HPN: variants seen among roughly 807,000 people sequenced by gnomAD.
HPN encodes serine protease hepsin.
A neutral mutation model predicts 55.9 loss-of-function variants in HPN; 13 were observed. That is an observed-to-expected ratio of 0.23 (90% CI 0.15 to 0.37). The LOEUF is 0.37. HPN is among the 10% of genes least tolerant of loss of function. The probability of loss-of-function intolerance (pLI) is 1.00; values close to 1 mark genes in which losing one functional copy is unlikely to be tolerated. For synonymous variants in HPN, 225 were observed against 240.3 expected, an observed-to-expected ratio of 0.94 and a Z score of 0.59; for missense variants, 451 against 575.8, an observed-to-expected ratio of 0.78 and a Z score of 2.22.
chr19:35,060,748 G>A lies in HPN; in HGVS notation c.742G>A (p.Asp248Asn), dbSNP rs2064521618. The change falls in exon 9 of 13, where the codon GAC (aspartate) becomes AAC (asparagine). Residue 248 changes from aspartate to asparagine, a missense_variant. Around this residue, in one of 2 missense-constraint regions of HPN, gnomAD observed 378 missense variants for 445.5 expected, o/e 0.85. Transcript: ENST00000672452. ...CCACGGGGGCTATCTTCCCTTTCGG[G>A]ACCCCAACAGCGAGGAGAACAGCAA... The part of the protein sequence containing the change: ...VYHGGYLPFR[D>N]PNSEENSNDI... 1 of 1,613,768 alleles carries A rather than the reference G, an allele frequency of 6.2e-7. No homozygotes were observed. Among genetic ancestry groups the A allele is most frequent in the Non-Finnish European group, 8.5e-7 (1 of 1,179,856 alleles).
intron 9 of HPN, among the ~76,000 whole-genome samples, chr19:35,061,813 C>T (rs1479289518): frequency 6.6e-6 from 1 of 152,092 alleles, no homozygotes; most frequent in Non-Finnish European, 1.5e-5. Flanking sequence ...CGCCTGTAAT[C>T]CTGGCACTCT....
chr19:35,059,564 C>T (rs1257701971), intron 4 of HPN, 109 bp from the exon 5 acceptor site: 4 of 1,400,678 alleles, frequency 2.9e-6, no homozygotes, highest in Non-Finnish European at 3.9e-6. Flanking sequence ...CTGGGGTTCA[C>T]GTCTACACCA....
chr19:35,061,130 T>C (rs1312488542), intron 9 of HPN, among the ~76,000 whole-genome samples: 1 of 152,162 alleles, frequency 6.6e-6, no homozygotes, highest in South Asian at 2.1e-4. Context: ...TCAGTGTTCA[T>C]AGCAGCATTA....
chr19:35,041,677 TCCCC>T, upstream of HPN: 9 of 706,512 alleles, frequency 1.3e-5, no homozygotes, highest in Non-Finnish European at 1.6e-5. Context: ...GTCCGGCCCC[TCCCC>T]GCCCCTTCAC....
intron 4 of HPN, chr19:35,050,649 A>G: frequency 1.6e-6 from 1 of 620,064 alleles, no homozygotes; most frequent in Non-Finnish European, 2.4e-6. Context: ...GATGCAGGAC[A>G]GCAGGAAAAA....
At chr19:35,052,045 C>T (rs2064410910) in intron 4 of HPN, among the ~76,000 whole-genome samples, 2 of 152,214 alleles carry the variant, frequency 1.3e-5, no homozygotes, top group Non-Finnish European at 1.5e-5. Flanking sequence ...GCTCAAATGA[C>T]CTGCTCACAC....
At chr19:35,041,299 T>C (rs926023281), upstream of HPN, among the ~76,000 whole-genome samples, 3 of 151,346 alleles carry the variant, frequency 2.0e-5, no homozygotes, top group Admixed American at 6.6e-5. Flanking sequence ...GGGGCTGGGG[T>C]TGGGGCCCAG....
chr19:35,057,524 A>T (rs2064467952), intron 4 of HPN, among the ~76,000 whole-genome samples: 1 of 152,160 alleles, frequency 6.6e-6, no homozygotes, highest in African/African-American at 2.4e-5. Flanking sequence ...CATAAAACAT[A>T]GAAGGGTAAG....
intron 4 of HPN, among the ~76,000 whole-genome samples, chr19:35,053,493 G>A (rs1302114298): frequency 1.3e-5 from 2 of 151,698 alleles, no homozygotes; most frequent in African/African-American, 2.4e-5. Flanking sequence ...GCTCACGCCT[G>A]TAATCCCAGC....
At position 35,060,359 on chromosome 19, in the gene HPN, G is replaced by A; in HGVS notation, c.467G>A (p.Arg156Lys). 1 of 1,611,812 alleles carries A rather than the reference G, an allele frequency of 6.2e-7. No individual in the cohort carries two copies. The highest frequency in any genetic ancestry group is 8.5e-7 in the Non-Finnish European group (1 of 1,179,870). ...CCTTGTCCCACAGACTGTGGCCGCA[G>A]GAAGCTGCCCGTGGACCGCATCGTG... is the stretch of plus-strand genomic sequence containing the variant. ...LAAICQDCGR[R>K]KLPVDRIVGG... Residue 156 changes from arginine to lysine, a missense_variant, in exon 8 of 13, where the codon AGG (arginine) becomes AAG (lysine). Physicochemically the swap from Arg to Lys is conservative, Grantham distance 26. Around this residue, in one of 2 missense-constraint regions of HPN, gnomAD observed 378 missense variants for 445.5 expected, o/e 0.85. Transcript: ENST00000672452.
chr19:35,057,751 G>C (rs546155775), intron 4 of HPN, among the ~76,000 whole-genome samples: 37 of 152,194 alleles, frequency 2.4e-4, no homozygotes, highest in African/African-American at 8.4e-4. Context: ...ACACACAAAG[G>C]GTAGTGCATG....
chr19:35,064,555 G>A (rs1312820233), intron 9 of HPN, among the ~76,000 whole-genome samples: 7 of 151,984 alleles, frequency 4.6e-5, no homozygotes, highest in Non-Finnish European at 1.0e-4. Context: ...TTGAGCCCAG[G>A]AGGTCGAGGC....
chr19:35,059,750 C>T lies in HPN; in HGVS notation c.238C>T (p.Arg80Cys), dbSNP rs751977724. 1.9e-5 allele frequency: 31 copies of T among 1,591,034 alleles called. No homozygotes were observed. Among genetic ancestry groups the T allele is most frequent in the Non-Finnish European group, 2.7e-5 (31 of 1,169,696 alleles). The change falls in exon 5 of 13, where the codon CGC becomes TGC. Residue 80 changes from arginine to cysteine, a missense_variant. Physicochemically the swap from Arg to Cys is radical, Grantham distance 180 (BLOSUM62 -3). This residue lies in a region of HPN where 378 missense variants were observed against 445.5 expected (regional missense o/e 0.85). Coordinates refer to ENST00000672452, the MANE Select transcript of HPN (RefSeq NM_001384133.1). ...EGTWRLLCSS[R>C]SNARVAGLSC... ...GACGTGGCGGCTGCTGTGCTCCTCGCGCTCCAACGCCAGGGTAGCCGGACT... is the reference window on the plus strand; with the variant it reads ...GACGTGGCGGCTGCTGTGCTCCTCGTGCTCCAACGCCAGGGTAGCCGGACT...
intron 9 of HPN, among the ~76,000 whole-genome samples, chr19:35,064,394 G>A (rs140391326): frequency 5.4e-4 from 82 of 151,804 alleles, no homozygotes; most frequent in African/African-American, 1.9e-3. Flanking sequence ...TGTCACCCAG[G>A]CTGGAGTGCA....
intron 4 of HPN, chr19:35,059,426 G>T (rs988648641): frequency 4.7e-6 from 3 of 634,740 alleles, no homozygotes; most frequent in Non-Finnish European, 8.7e-6. Flanking sequence ...AGGCTACAGT[G>T]AGCCAAGATC....
intron 2 of HPN, among the ~76,000 whole-genome samples, chr19:35,043,757 T>C (rs1480355622): frequency 6.6e-6 from 1 of 152,218 alleles, no homozygotes; most frequent in African/African-American, 2.4e-5. Context: ...GATGACAGAA[T>C]CCAGCTCCTT....
intron 4 of HPN, among the ~76,000 whole-genome samples, chr19:35,055,554 GTCACCCATGAATCAGA>G (rs2064446812): frequency 6.6e-6 from 1 of 152,064 alleles, no homozygotes; most frequent in African/African-American, 2.4e-5. Flanking sequence ...AGTTCCTCCA[GTCACCCATGAATCAGA>G]TCTTGCAGGA....
chr19:35,060,404 T>G lies in HPN; in HGVS notation c.512T>G (p.Leu171Trp). Reference sequence around the variant, plus strand: ...ATCGTGGGAGGCCGGGACACCAGCTTGGGCCGGTGGCCGTGGCAAGTCAGC... The same window carrying G: ...ATCGTGGGAGGCCGGGACACCAGCTGGGGCCGGTGGCCGTGGCAAGTCAGC... ...DRIVGGRDTS[L>W]GRWPWQVSLR... is the part of the protein sequence containing the mutation. The change falls in exon 8 of 13, where the codon TTG (leucine) becomes TGG (tryptophan). Residue 171 changes from leucine (L) to tryptophan (W), a missense_variant. Around this residue, in one of 2 missense-constraint regions of HPN, gnomAD observed 378 missense variants for 445.5 expected, o/e 0.85. Transcript: ENST00000672452. The G allele has an allele frequency of 6.2e-7, 1 of 1,613,084 alleles. No individual in the cohort carries two copies. Among genetic ancestry groups the G allele is most frequent in the African/African-American group, 1.3e-5 (1 of 75,072 alleles).
chr19:35,057,321 G>C (rs1268922574), intron 4 of HPN, among the ~76,000 whole-genome samples: 1 of 151,994 alleles, frequency 6.6e-6, no homozygotes, highest in Non-Finnish European at 1.5e-5. Flanking sequence ...AGCTACTCGG[G>C]AGGCTGAGGC....
Sources: gnomAD v4.1 joint callset for allele counts (sites outside exome capture counted in the v4.1 genomes callset) on GRCh38, gnomAD v4.1.1 for gene constraint, gnomAD v4.1.1 regional missense constraint, MANE v1.5 for transcripts, NCBI Gene and HGNC (gene_info 2026-07-23, HGNC 2026-07-21) for gene names.